Variants in PRCC observed in about 807,000 individuals in gnomAD.
PRCC encodes the protein proline rich mitotic checkpoint control factor.
A neutral mutation model predicts 44.0 loss-of-function variants in PRCC; 10 were observed. That is an observed-to-expected ratio of 0.23 (90% CI 0.14 to 0.39). The LOEUF (loss-of-function observed/expected upper bound fraction) is 0.39. Ranked by LOEUF, PRCC falls within the 10% of genes least tolerant of loss-of-function variation. The probability of loss-of-function intolerance (pLI) is 1.00; values close to 1 mark genes in which losing one functional copy is unlikely to be tolerated. For missense variants in PRCC, 573 were observed against 624.7 expected (o/e 0.92, Z 0.88); for synonymous variants, 278 against 259.5 (o/e 1.07, Z -0.69).
At chr1:156,791,968 G>A (rs934541476) in intron 4 of PRCC, among the ~76,000 whole-genome samples, 176 bp downstream of exon 4, 3 of 146,798 alleles carry the variant, frequency 2.0e-5, no homozygotes, top group African/African-American at 7.5e-5. Flanking sequence ...AAGGAAGTTA[G>A]TTTTTTTCTT....
Position 156,779,099 on chromosome 1 carries a change from G to A in PRCC, c.469-3183G>A, listed in dbSNP as rs182973273. On this transcript the variant is annotated intron_variant, in intron 1 of 6. Transcript: ENST00000271526. The stretch of plus-strand genomic sequence containing the variant: ...CAGGCATGAGCCACCGCGCCCGGCC[G>A]GGTAATATATATATATATATATATA... Among the ~76,000 whole-genome samples the A allele has an allele frequency of 7.0e-3, 574 of 82,200 alleles. 5 individuals carry two copies. The highest frequency in any genetic ancestry group is 0.024 in the African/African-American group (536 of 22,638). The allele number at this position is 82,200 out of a possible 152,430, so 53.9% of individuals were successfully genotyped here.
intron 4 of PRCC, among the ~76,000 whole-genome samples, chr1:156,793,260 G>T (rs1159514644): frequency 6.6e-6 from 1 of 152,210 alleles, no homozygotes; most frequent in African/African-American, 2.4e-5. Context: ...CTAGGAGACA[G>T]CTGAGAACCC....
intron 1 of PRCC, 88 bp from the exon 2 acceptor site, chr1:156,782,194 T>G: frequency 3.2e-6 from 4 of 1,258,882 alleles, no homozygotes; most frequent in Non-Finnish European, 4.6e-6. Flanking sequence ...TGGCCACTGT[T>G]GTCCAACCCT....
chr1:156,768,172 G>A lies in PRCC; in HGVS notation c.401G>A (p.Gly134Glu), dbSNP rs1365940520. ...ATTGGCGGTGCCGGTCCCCCGCTGG[G>A]GCTTCCCAAGCCAAAGAAGAGGAAA... The part of the protein sequence containing the change: ...PPIGGAGPPL[G>E]LPKPKKRKEP... The change falls in exon 1 of 7, where the codon GGG (glycine) becomes GAG (glutamate). Residue 134 changes from glycine to glutamate, a missense_variant. By Grantham distance (98) the Gly-to-Glu change is moderately conservative. Transcript: ENST00000271526. 2.6e-6 allele frequency: 4 copies of A among 1,552,934 alleles called. No homozygotes were observed. The highest frequency in any genetic ancestry group is 2.6e-6 in the Non-Finnish European group (3 of 1,148,846).
At chr1:156,786,539 G>T in intron 2 of PRCC, 69 bp from the exon 3 acceptor site, 1 of 1,445,624 alleles carries the variant, frequency 6.9e-7, no homozygotes, top group South Asian at 1.3e-5. Context: ...TGTTGTTTTT[G>T]GTGTTGCTAG....
chr1:156,789,748 T>C (rs1558052956), intron 3 of PRCC, among the ~76,000 whole-genome samples: 2 of 152,206 alleles, frequency 1.3e-5, no homozygotes, highest in South Asian at 4.1e-4. Flanking sequence ...AAATGGGATA[T>C]CAGAGCAACT....
At chr1:156,791,019 TCAC>T (rs1652452670) in intron 3 of PRCC, 2 of 1,158,274 alleles carry the variant, frequency 1.7e-6, no homozygotes, top group South Asian at 1.2e-5. Context: ...CTGCCTGACT[TCAC>T]CAAGCAGAGG....
intron 1 of PRCC, among the ~76,000 whole-genome samples, chr1:156,771,514 G>T (rs1651632298): frequency 6.6e-6 from 1 of 152,138 alleles, no homozygotes; most frequent in African/African-American, 2.4e-5. Context: ...GGATTGATTA[G>T]ATGTTACACT....
chr1:156,773,156 C>G (rs569270729), intron 1 of PRCC, among the ~76,000 whole-genome samples: 1 of 152,084 alleles, frequency 6.6e-6, no homozygotes, highest in Non-Finnish European at 1.5e-5. Context: ...TTTGGAGCCC[C>G]GGGGTGTGGT....
chr1:156,791,438 T>C (rs1652468537), intron 3 of PRCC: 1 of 518,744 alleles, frequency 1.9e-6, no homozygotes, highest in African/African-American at 1.9e-5. Context: ...GGAGAGACTG[T>C]CTTTGTTTCT....
chr1:156,781,945 A>G (rs1652064367), intron 1 of PRCC, among the ~76,000 whole-genome samples: 4 of 152,252 alleles, frequency 2.6e-5, no homozygotes, highest in East Asian at 1.9e-4. Flanking sequence ...AAGAATGGGT[A>G]TAGCTTTTTC....
At chr1:156,782,238 T>C (rs1349295791) in intron 1 of PRCC, 44 bp from the exon 2 acceptor site, 1 of 1,524,384 alleles carries the variant, frequency 6.6e-7, no homozygotes, top group Non-Finnish European at 9.0e-7. Context: ...TTTCCTTTAC[T>C]GTCCTAAAAC....
chr1:156,789,178 C>G (rs1395658453), intron 3 of PRCC, among the ~76,000 whole-genome samples: 1 of 152,216 alleles, frequency 6.6e-6, no homozygotes, highest in African/African-American at 2.4e-5. Flanking sequence ...CCATGTTGGT[C>G]AGGCTGGTCT....
intron 2 of PRCC, among the ~76,000 whole-genome samples, chr1:156,784,555 T>G (rs1366342810): frequency 6.6e-6 from 1 of 152,224 alleles, no homozygotes; most frequent in African/African-American, 2.4e-5. Context: ...TGCTCCGCCC[T>G]GTACCTCAGT....
intron 1 of PRCC, among the ~76,000 whole-genome samples, chr1:156,780,405 A>AT (rs912495311): frequency 5.9e-4 from 89 of 149,768 alleles, no homozygotes; most frequent in African/African-American, 1.7e-3. Context: ...TTTATTTTAA[A>AT]TTTTTTTTTT....
At chr1:156,779,924 T>G (rs1651992853) in intron 1 of PRCC, among the ~76,000 whole-genome samples, 1 of 151,674 alleles carries the variant, frequency 6.6e-6, no homozygotes, top group African/African-American at 2.4e-5. Flanking sequence ...CAGAGTCTGC[T>G]CTGTTACCCA....
At position 156,777,886 on chromosome 1, in the gene PRCC, C is replaced by A. The variant is rs546538496; in HGVS notation, c.469-4396C>A. Reference sequence around the variant, plus strand: ...GGAAGGACTTACATGAAAGGAAGCACAAATACAAACAGGAGGTTCTTTAAG... The same window carrying A: ...GGAAGGACTTACATGAAAGGAAGCAAAAATACAAACAGGAGGTTCTTTAAG... On this transcript the variant is annotated intron_variant, in intron 1 of 6. Coordinates refer to ENST00000271526, the MANE Select transcript of PRCC (RefSeq NM_005973.5). Among the ~76,000 whole-genome samples, 8 of 152,172 alleles carry A rather than the reference C, an allele frequency of 5.3e-5. No homozygotes were observed. The South Asian group carries it at 1.7e-3, about 32-fold the overall frequency.
chr1:156,784,303 G>C (rs2102763260), intron 2 of PRCC, among the ~76,000 whole-genome samples: 1 of 152,304 alleles, frequency 6.6e-6, no homozygotes, highest in Admixed American at 6.5e-5. Context: ...TTGGCGTGCT[G>C]AGACTGAGCA....
intron 2 of PRCC, 90 bp downstream of exon 2, chr1:156,782,419 G>A (rs1652081411): frequency 8.0e-6 from 10 of 1,245,884 alleles, no homozygotes; most frequent in Non-Finnish European, 1.1e-5. Flanking sequence ...TTTCAGATTA[G>A]GCTTAGAGCA....
Sources: gnomAD v4.1 joint callset for allele counts (sites outside exome capture counted in the v4.1 genomes callset) on GRCh38, gnomAD v4.1.1 for gene constraint, MANE v1.5 for transcripts, NCBI Gene and HGNC (gene_info 2026-07-23, HGNC 2026-07-21) for gene names.